Variants in CRHR2 observed in about 807,000 individuals in gnomAD.
The protein encoded by CRHR2 is corticotropin-releasing hormone receptor 2.
In CRHR2, 53 loss-of-function variants were observed where a neutral mutation model predicts 57.9. The observed-to-expected ratio is 0.92, with a 90% CI of 0.73 to 1.15. The LOEUF (loss-of-function observed/expected upper bound fraction) is 1.15. Among genes scored for constraint, CRHR2 ranks in the 50% most tolerant of loss-of-function variants. The pLI is 0.00. For missense variants in CRHR2, 532 were observed against 542.6 expected (o/e 0.98, Z 0.19); for synonymous variants, 213 against 220.9 (o/e 0.96, Z 0.32).
At chr7:30,672,109 C>A (rs754141906) in intron 2 of CRHR2, among the ~76,000 whole-genome samples, 13 of 152,228 alleles carry the variant, frequency 8.5e-5, no homozygotes, top group Non-Finnish European at 1.5e-4. Flanking sequence ...ACCAGCCTTC[C>A]CACCCGATAT....
intron 1 of CRHR2, among the ~76,000 whole-genome samples, chr7:30,697,010 A>T (rs1398473575): frequency 1.3e-5 from 2 of 152,230 alleles, no homozygotes; most frequent in Non-Finnish European, 2.9e-5. Flanking sequence ...GTGAGGCTAG[A>T]AAACGCTCAG....
intron 1 of CRHR2, among the ~76,000 whole-genome samples, chr7:30,694,700 T>C (rs1467170442): frequency 6.6e-6 from 1 of 151,946 alleles, no homozygotes; most frequent in East Asian, 2.0e-4. Context: ...TTTGCTTTCA[T>C]TCAGTGGATT....
chr7:30,660,087 G>A (rs191584760), intron 8 of CRHR2, among the ~76,000 whole-genome samples: 1 of 152,336 alleles, frequency 6.6e-6, no homozygotes, highest in East Asian at 1.9e-4. Context: ...TTGGCAAAGG[G>A]CAGGGAGCTG....
In CRHR2 at chr7:30,652,537, A is replaced by C. The variant is rs1010045185; in HGVS notation, c.*923T>G. 6.6e-6 allele frequency: 1 copy of C among 152,166 alleles called. No individual in the cohort carries two copies. Among genetic ancestry groups the C allele is most frequent in the African/African-American group, 2.4e-5 (1 of 41,426 alleles). The allele number at this position is 152,166 out of a possible 1,614,324, so 9.4% of individuals were successfully genotyped here. On this transcript the variant is annotated 3_prime_UTR_variant, in exon 12 of 12. Coordinates refer to ENST00000471646, the MANE Select transcript of CRHR2 (RefSeq NM_001883.5). The surrounding 1 kb of genome is among the most constrained non-coding windows in gnomAD (Gnocchi z 4.4). ...GACCCAGCCACGATCCTTGGCCCAC[A>C]CCACTCTTCGGGTGCCTGGGTGACT...
At chr7:30,666,005 C>T (rs1479105707) in intron 3 of CRHR2, among the ~76,000 whole-genome samples, 3 of 152,176 alleles carry the variant, frequency 2.0e-5, no homozygotes, top group Admixed American at 2.0e-4. Context: ...GGACTACAGA[C>T]AAGTGCCACT....
Position 30,665,593 on chromosome 7 carries a change from T to C in CRHR2, c.362A>G (p.Tyr121Cys). ...TGCCACAGATACGCAGTGGCCCAGG[T>C]AGTTGACGACAAGGGCGATGCGGTA... is the stretch of plus-strand genomic sequence containing the variant. ...LHYRIALVVN[Y>C]LGHCVSVAAL... is the part of the protein sequence containing the mutation. The change falls in exon 4 of 12, where the codon TAC becomes TGC. Residue 121 changes from tyrosine to cysteine, a missense_variant. Physicochemically the swap from Tyr to Cys is radical, Grantham distance 194 (BLOSUM62 -2). Coordinates refer to ENST00000471646, the MANE Select transcript of CRHR2 (RefSeq NM_001883.5). The surrounding 1 kb of genome is among the most constrained non-coding windows in gnomAD (Gnocchi z 4.5). The C allele has an allele frequency of 6.4e-7, 1 of 1,563,738 alleles. No homozygotes were observed. The highest frequency in any genetic ancestry group is 8.7e-7 in the Non-Finnish European group (1 of 1,153,090).
chr7:30,654,196 T>A (rs1783687575), intron 11 of CRHR2, among the ~76,000 whole-genome samples: 2 of 152,228 alleles, frequency 1.3e-5, no homozygotes, highest in African/African-American at 4.8e-5. Context: ...GTAATTGAAT[T>A]TTTTTGGAAA....
rs1442953329 is a variant in CRHR2 at position 30,665,872 on chromosome 7, TG to T, written c.316-234del. On this transcript the variant is annotated intron_variant, in intron 3 of 11. Coordinates refer to ENST00000471646, the MANE Select transcript of CRHR2 (RefSeq NM_001883.5). The surrounding 1 kb of genome is among the most constrained non-coding windows in gnomAD (Gnocchi z 4.5). The stretch of plus-strand genomic sequence containing the variant: ...GCATTTATTTTTATTTTTTTAGAGA[TG>T]GGGTATCACTCTGTTGCCCAAGCTG... 6.6e-6 allele frequency among the ~76,000 whole-genome samples: 1 copy of T among 152,070 alleles called. No individual in the cohort carries two copies. The highest frequency in any genetic ancestry group is 1.5e-5 in the Non-Finnish European group (1 of 68,002).
At position 30,695,328 on chromosome 7, in the gene CRHR2, T is replaced by C. The variant is rs538039657; in HGVS notation, c.-261+4616A>G. ...GCCTCCTGGGCAGCTCCCAGCGGCT[T>C]TCTTGTTCCTGAGTCTGTGCTCGGC... is the stretch of plus-strand genomic sequence containing the variant. On this transcript the variant is annotated intron_variant, in intron 1 of 13. Coordinates refer to the CRHR2 transcript ENST00000341843. Among the ~76,000 whole-genome samples, 58 of 152,210 alleles carry C rather than the reference T, an allele frequency of 3.8e-4. 1 individual carries two copies. The South Asian group carries it at 0.012, about 31-fold the overall frequency.
chr7:30,675,471 T>C (rs1784489021), intron 2 of CRHR2, among the ~76,000 whole-genome samples: 1 of 152,234 alleles, frequency 6.6e-6, no homozygotes, highest in Admixed American at 6.5e-5. Flanking sequence ...TTCCAGAGTA[T>C]TCTGGTCCTG....
chr7:30,675,058 C>G (rs552479066), intron 2 of CRHR2, among the ~76,000 whole-genome samples: 1 of 152,326 alleles, frequency 6.6e-6, no homozygotes, highest in East Asian at 1.9e-4. Context: ...ATGGCAAACC[C>G]AGGACTTAGA....
chr7:30,654,680 C>T, intron 11 of CRHR2: 1 of 1,535,796 alleles, frequency 6.5e-7, no homozygotes, highest in Non-Finnish European at 8.7e-7. Flanking sequence ...CTCTTCTGCT[C>T]CCTGAGTCCA....
intron 2 of CRHR2, among the ~76,000 whole-genome samples, chr7:30,672,005 C>T (rs1784378326): frequency 1.3e-5 from 2 of 152,196 alleles, no homozygotes; most frequent in Non-Finnish European, 2.9e-5. Flanking sequence ...GAAGTCACTA[C>T]ATGGGATCGG....
At chr7:30,680,516 T>C (rs940218037) in intron 2 of CRHR2, among the ~76,000 whole-genome samples, 12 of 152,208 alleles carry the variant, frequency 7.9e-5, no homozygotes, top group Admixed American at 1.3e-4. Flanking sequence ...TCAGGCATGC[T>C]GATCTCCATT....
In CRHR2 at chr7:30,653,282, C is replaced by G. The variant is rs1783652727; in HGVS notation, c.*178G>C. Reference sequence around the variant, plus strand: ...CTCTTGCGCTGAGCCTGGTGGCCCCCACTCATCCCTGTCCCTTGCAGTCCC... The same window carrying G: ...CTCTTGCGCTGAGCCTGGTGGCCCCGACTCATCCCTGTCCCTTGCAGTCCC... On this transcript the variant is annotated 3_prime_UTR_variant, in exon 12 of 12. Transcript: ENST00000471646. This position sits in a 1 kb window ranked among gnomAD's most constrained non-coding sequence, Gnocchi z 5.0. 1.2e-6 allele frequency: 1 copy of G among 844,338 alleles called. No individual in the cohort carries two copies. Among genetic ancestry groups the G allele is most frequent in the East Asian group, 2.6e-5 (1 of 38,416 alleles). The allele number at this position is 844,338 out of a possible 1,614,324, so 52.3% of individuals were successfully genotyped here.
At chr7:30,686,810 C>T (rs571108500), upstream of CRHR2, among the ~76,000 whole-genome samples, 18 of 152,262 alleles carry the variant, frequency 1.2e-4, no homozygotes, top group African/African-American at 3.1e-4. Context: ...ATTTTGCATG[C>T]GTTGCCTTTT....
At chr7:30,696,178 C>CA (rs58598488) in intron 1 of CRHR2, among the ~76,000 whole-genome samples, 5,377 of 148,528 alleles carry the variant, frequency 0.036, 262 homozygotes, top group African/African-American at 0.11. Flanking sequence ...TAACAGGTAC[C>CA]AAAAAAAAAT....
intron 2 of CRHR2, among the ~76,000 whole-genome samples, chr7:30,677,273 T>G (rs953348682): frequency 1.3e-5 from 2 of 151,434 alleles, no homozygotes; most frequent in African/African-American, 4.9e-5. Flanking sequence ...GAACCACACA[T>G]AGAGAAAATC....
In CRHR2 at chr7:30,662,685, G is replaced by A. The variant is rs1220583681; in HGVS notation, c.697+9C>T. The A allele has an allele frequency of 1.2e-6, 2 of 1,611,012 alleles. No individual in the cohort carries two copies. Among genetic ancestry groups the A allele is most frequent in the Non-Finnish European group, 1.7e-6 (2 of 1,177,782 alleles). The stretch of plus-strand genomic sequence containing the variant: ...CCCAACTAGGCCCTGCTGCCCCTGG[G>A]ACCCTCACACCATCCGATGAAGAGG... On this transcript the variant is annotated intron_variant, in intron 6 of 11. Coordinates refer to ENST00000471646, the MANE Select transcript of CRHR2 (RefSeq NM_001883.5).
Sources: allele counts gnomAD v4.1 joint callset (sites outside exome capture counted in the v4.1 genomes callset), GRCh38; gene constraint gnomAD v4.1.1; non-coding constraint Gnocchi (gnomAD v3.1); transcripts MANE v1.5; gene names NCBI Gene and HGNC (gene_info 2026-07-23, HGNC 2026-07-21).